MYT1L: variants seen among roughly 807,000 people sequenced by gnomAD.
MYT1L encodes the protein myelin transcription factor 1 like.
A neutral mutation model predicts 126.7 loss-of-function variants in MYT1L; 12 were observed. The ratio of observed to expected loss-of-function variants is 0.09; its 90% CI spans 0.06 to 0.15. The LOEUF is 0.15. Among genes scored for constraint, MYT1L ranks in the 10% least tolerant of loss-of-function variants. MYT1L has a pLI of 1.00. For synonymous variants in MYT1L, 541 were observed against 604.2 expected (o/e 0.90, Z 1.53); for missense variants, 979 against 1,585.2 (o/e 0.62, Z 6.49).
chr2:2,125,656 T>A (rs1027749431), intron 3 of MYT1L, among the ~76,000 whole-genome samples: 1 of 152,120 alleles, frequency 6.6e-6, no homozygotes, highest in African/African-American at 2.4e-5. Flanking sequence ...TTAGAAATAA[T>A]ACAAAATATT....
intron 1 of MYT1L, among the ~76,000 whole-genome samples, chr2:2,309,976 TG>T (rs1559631835): frequency 6.6e-6 from 1 of 151,324 alleles, no homozygotes; most frequent in Non-Finnish European, 1.5e-5. Context: ...ACCTACACAT[TG>T]GTATACTGTA....
chr2:1,942,693 T>C (rs1343867134), intron 9 of MYT1L, among the ~76,000 whole-genome samples: 1 of 152,184 alleles, frequency 6.6e-6, no homozygotes, highest in Non-Finnish European at 1.5e-5. Flanking sequence ...TTAACTTCCT[T>C]GATACATTTT....
chr2:2,117,013 G>A (rs1437666496), intron 3 of MYT1L, among the ~76,000 whole-genome samples: 1 of 152,190 alleles, frequency 6.6e-6, no homozygotes, highest in Non-Finnish European at 1.5e-5. Context: ...AAGCTCAAGT[G>A]GTTTCTGGAG....
intron 18 of MYT1L, among the ~76,000 whole-genome samples, chr2:1,867,751 A>C (rs940139707): frequency 1.3e-5 from 2 of 152,044 alleles, no homozygotes; most frequent in African/African-American, 4.8e-5. Flanking sequence ...TTAGATATAG[A>C]TATGCTCATT....
At chr2:2,185,556 GAGT>G in intron 2 of MYT1L, among the ~76,000 whole-genome samples, 1 of 148,364 alleles carries the variant, frequency 6.7e-6, no homozygotes, top group Non-Finnish European at 1.5e-5. Context: ...GGGCCTCCTC[GAGT>G]CCCGCGTTCC....
intron 13 of MYT1L, among the ~76,000 whole-genome samples, chr2:1,908,003 G>A (rs992688760): frequency 2.0e-5 from 3 of 152,248 alleles, no homozygotes; most frequent in Admixed American, 1.3e-4. Context: ...GGGCTGGCCC[G>A]AGACCTCGCA....
chr2:2,039,467 A>G (rs576843898), intron 4 of MYT1L, among the ~76,000 whole-genome samples: 3 of 152,334 alleles, frequency 2.0e-5, no homozygotes, highest in Admixed American at 6.5e-5. Flanking sequence ...TCAGTTCAAT[A>G]AATTAGTAAA....
At chr2:2,184,421 A>G (rs1335447241) in intron 2 of MYT1L, among the ~76,000 whole-genome samples, 1 of 152,204 alleles carries the variant, frequency 6.6e-6, no homozygotes, top group African/African-American at 2.4e-5. Flanking sequence ...CAGTGCTTCC[A>G]ATCCACTGAC....
At chr2:2,056,266 C>T (rs1480108083) in intron 3 of MYT1L, among the ~76,000 whole-genome samples, 3 of 152,146 alleles carry the variant, frequency 2.0e-5, no homozygotes, top group Non-Finnish European at 2.9e-5. Flanking sequence ...TCCTGGGTCC[C>T]TCAGGCTCTC....
At chr2:2,095,680 T>C (rs1219102827) in intron 3 of MYT1L, among the ~76,000 whole-genome samples, 1 of 152,086 alleles carries the variant, frequency 6.6e-6, no homozygotes, top group Non-Finnish European at 1.5e-5. Context: ...CTGCAATCTA[T>C]GGGCCAAAGG....
intron 4 of MYT1L, 67 bp downstream of exon 4, chr2:2,053,911 G>C (rs1372945928): frequency 1.3e-5 from 2 of 152,560 alleles, no homozygotes; most frequent in South Asian, 2.1e-4. Context: ...CATATTTTAA[G>C]GTAAATATGC....
In MYT1L at chr2:1,979,539, G is replaced by A. The variant is rs754799908; in HGVS notation, c.71C>T (p.Ala24Val). The change falls in exon 7 of 25, where the codon GCC (alanine) becomes GTC (valine). Residue 24 changes from alanine to valine, a missense_variant. Physicochemically the swap from Ala to Val is moderately conservative, Grantham distance 64 (BLOSUM62 0). Around this residue, in one of 12 missense-constraint regions of MYT1L, gnomAD observed 50 missense variants for 48.6 expected, o/e 1.03. Transcript: ENST00000647738. The surrounding 1 kb of genome is among the most constrained non-coding windows in gnomAD (Gnocchi z 4.0). ...SKGVRVPVEPAIQELFSCPTP... is the reference protein window; with the variant it reads ...SKGVRVPVEPVIQELFSCPTP... ...CACTAACCTGAACAGCTCTTGTATG[G>A]CTGGTTCCACGGGAACTGCAGAGAG... is the stretch of plus-strand genomic sequence containing the variant. 1.9e-6 allele frequency: 3 copies of A among 1,613,752 alleles called. No individual in the cohort carries two copies. The highest frequency in any genetic ancestry group is 2.5e-6 in the Non-Finnish European group (3 of 1,179,666).
intron 3 of MYT1L, among the ~76,000 whole-genome samples, chr2:2,149,862 A>G (rs2085461284): frequency 6.6e-6 from 1 of 152,070 alleles, no homozygotes; most frequent in Admixed American, 6.6e-5. Flanking sequence ...CCAAAACTCA[A>G]CTGCCTTTTC....
chr2:2,147,686 G>A (rs139253358), intron 3 of MYT1L, among the ~76,000 whole-genome samples: 169 of 152,298 alleles, frequency 1.1e-3, no homozygotes, highest in Non-Finnish European at 1.7e-3. Flanking sequence ...GGCTGACAGC[G>A]TGTGACAAGC....
intron 21 of MYT1L, among the ~76,000 whole-genome samples, chr2:1,831,495 C>A (rs1390817786): frequency 6.6e-6 from 1 of 152,194 alleles, no homozygotes; most frequent in Non-Finnish European, 1.5e-5. Context: ...GTCTGCATTT[C>A]TAGAACCATT....
chr2:1,922,728 C>A lies in MYT1L; in HGVS notation c.1041G>T (p.Gln347His). 1 of 1,613,930 alleles carries A rather than the reference C, an allele frequency of 6.2e-7. No homozygotes were observed. The highest frequency in any genetic ancestry group is 1.1e-5 in the South Asian group (1 of 91,084). Reference protein sequence around the residue: ...LARKLSETNPQERNPQQNMNI... With the variant: ...LARKLSETNPHERNPQQNMNI... ...TCATGTTCTGCTGCGGATTCCTCTC[C>A]TGCGGGTTGGTCTCACTGAGCTTCC... The change falls in exon 10 of 25, where the codon CAG becomes CAT. Residue 347 changes from glutamine (Q) to histidine (H), a missense_variant. Coordinates refer to ENST00000647738, the MANE Select transcript of MYT1L (RefSeq NM_001303052.2). The surrounding 1 kb of genome is among the most constrained non-coding windows in gnomAD (Gnocchi z 7.4).
Position 1,889,366 on chromosome 2 carries a change from G to C in MYT1L, c.2395C>G (p.Gln799Glu), listed in dbSNP as rs764635625. ...CGGTTGTTCATCACTGCCTGCTGCT[G>C]GGGGGACATGGGCTCCAGAGGGGTC... ...ILTPLEPMSP[Q>E]QQAVMNNRCF... is the part of the protein sequence containing the mutation. The change falls in exon 16 of 25, where the codon CAG becomes GAG. Residue 799 changes from glutamine to glutamate, a missense_variant. By Grantham distance (29) the Gln-to-Glu change is conservative. Around this residue, in one of 12 missense-constraint regions of MYT1L, gnomAD observed 141 missense variants for 170.6 expected, o/e 0.83. Transcript: ENST00000647738. The surrounding 1 kb of genome is among the most constrained non-coding windows in gnomAD (Gnocchi z 4.1). 1 of 1,613,622 alleles carries C rather than the reference G, an allele frequency of 6.2e-7. No homozygotes were observed. The highest frequency in any genetic ancestry group is 1.3e-5 in the African/African-American group (1 of 74,902).
intron 2 of MYT1L, among the ~76,000 whole-genome samples, chr2:2,217,685 CAA>C (rs2093719483): frequency 1.9e-4 from 15 of 79,634 alleles, no homozygotes; most frequent in Non-Finnish European, 3.6e-4. Flanking sequence ...ACAACAACAA[CAA>C]CAACAACAAC....
At chr2:2,225,088 C>T (rs2093974429) in intron 2 of MYT1L, among the ~76,000 whole-genome samples, 1 of 151,980 alleles carries the variant, frequency 6.6e-6, no homozygotes, top group South Asian at 2.1e-4. Flanking sequence ...GAGATGGCAC[C>T]CTTTGGACAC....
Sources: gnomAD v4.1 joint callset for allele counts (sites outside exome capture counted in the v4.1 genomes callset) on GRCh38, gnomAD v4.1.1 for gene constraint, gnomAD v4.1.1 regional missense constraint, Gnocchi (gnomAD v3.1) non-coding constraint, MANE v1.5 for transcripts, NCBI Gene and HGNC (gene_info 2026-07-23, HGNC 2026-07-21) for gene names.